Variants in AGBL4 observed in about 807,000 individuals in gnomAD.
The protein encoded by AGBL4 is cytosolic carboxypeptidase 6.
A neutral mutation model predicts 66.4 loss-of-function variants in AGBL4; 58 were observed. That is an observed-to-expected ratio of 0.87 (90% CI 0.71 to 1.09). The LOEUF (loss-of-function observed/expected upper bound fraction) is 1.09. AGBL4 is among the 50% of genes least tolerant of loss of function. AGBL4 has a pLI of 0.00. For missense variants in AGBL4, 579 were observed against 631.0 expected, an observed-to-expected ratio of 0.92 and a Z score of 0.88; for synonymous variants, 234 against 222.9, an observed-to-expected ratio of 1.05 and a Z score of -0.44.
intron 3 of AGBL4, among the ~76,000 whole-genome samples, chr1:49,396,966 A>G (rs538098859): frequency 6.6e-6 from 1 of 152,280 alleles, no homozygotes; most frequent in African/African-American, 2.4e-5. Context: ...GGATGGTTTC[A>G]GGGTGATTCA....
chr1:49,460,515 A>T (rs543804594), intron 3 of AGBL4, among the ~76,000 whole-genome samples: 5 of 151,622 alleles, frequency 3.3e-5, no homozygotes, highest in Admixed American at 1.3e-4. Flanking sequence ...AGATAGTGGA[A>T]ACTTGGTTGG....
At chr1:48,761,777 G>T (rs144485858) in intron 6 of AGBL4, among the ~76,000 whole-genome samples, 11 of 152,272 alleles carry the variant, frequency 7.2e-5, no homozygotes, top group African/African-American at 2.6e-4. Context: ...CTAGAATCTT[G>T]AATTGGAACA....
chr1:49,068,194 T>C (rs1011134706), intron 4 of AGBL4, among the ~76,000 whole-genome samples: 7 of 151,998 alleles, frequency 4.6e-5, no homozygotes, highest in African/African-American at 1.7e-4. Flanking sequence ...CAAATAATGG[T>C]TCATTTTCTT....
At chr1:49,370,209 A>G (rs1490324716) in intron 3 of AGBL4, among the ~76,000 whole-genome samples, 2 of 149,752 alleles carry the variant, frequency 1.3e-5, no homozygotes, top group Non-Finnish European at 3.0e-5. Context: ...TAAAATATAT[A>G]TCACATAATA....
chr1:49,454,926 C>T (rs1310767704), intron 3 of AGBL4, among the ~76,000 whole-genome samples: 1 of 151,644 alleles, frequency 6.6e-6, no homozygotes, highest in Non-Finnish European at 1.5e-5. Context: ...TAATCATATT[C>T]ACCAAGTTTA....
chr1:49,656,280 C>T (rs575438658), intron 3 of AGBL4, among the ~76,000 whole-genome samples: 3 of 152,264 alleles, frequency 2.0e-5, no homozygotes, highest in African/African-American at 7.2e-5. Context: ...TTCCTCGACA[C>T]ATACACCCTC....
intron 6 of AGBL4, among the ~76,000 whole-genome samples, chr1:48,770,376 C>T (rs1179740841): frequency 6.6e-6 from 1 of 152,188 alleles, no homozygotes; most frequent in Non-Finnish European, 1.5e-5. Flanking sequence ...CATTTGGTTT[C>T]CAGGACACCT....
intron 2 of AGBL4, among the ~76,000 whole-genome samples, chr1:49,834,946 A>C (rs1459316326): frequency 6.6e-6 from 1 of 152,172 alleles, no homozygotes; most frequent in Non-Finnish European, 1.5e-5. Flanking sequence ...AATGTTTGTT[A>C]TAATTTCCAT....
rs372604226 is a variant in AGBL4, at chr1:48,694,901, C to T, written c.635-31660G>A. Among the ~76,000 whole-genome samples, 128 of 152,244 alleles carry T rather than the reference C, an allele frequency of 8.4e-4. 1 individual carries two copies. The highest frequency in any genetic ancestry group is 2.9e-3 in the African/African-American group (122 of 41,546). On this transcript the variant is annotated intron_variant, in intron 6 of 13. Coordinates refer to ENST00000371839, the MANE Select transcript of AGBL4 (RefSeq NM_032785.4). ...CACACACCTCTGTACAGCCCTCATC[C>T]CACCATTTTATAATCACCAATGTGC...
intron 4 of AGBL4, among the ~76,000 whole-genome samples, chr1:49,188,035 G>A (rs1647046357): frequency 6.6e-6 from 1 of 152,104 alleles, no homozygotes; most frequent in African/African-American, 2.4e-5. Context: ...TTTATCTGCT[G>A]CCATCCACGT....
At chr1:49,530,250 T>G (rs991494697) in intron 3 of AGBL4, among the ~76,000 whole-genome samples, 4 of 38,446 alleles carry the variant, frequency 1.0e-4, no homozygotes, top group African/African-American at 3.8e-4. Context: ...TGTTTTCAAG[T>G]AGAATTTGTA....
intron 3 of AGBL4, among the ~76,000 whole-genome samples, chr1:49,350,714 T>C (rs1645735820): frequency 6.6e-6 from 1 of 152,166 alleles, no homozygotes; most frequent in South Asian, 2.1e-4. Flanking sequence ...ACCCGAGCAG[T>C]GTACACTGCA....
At position 48,924,145 on chromosome 1, in the gene AGBL4, GTT is replaced by G. The variant is rs555543694; in HGVS notation, c.595-56917_595-56916del. Among the ~76,000 whole-genome samples, 30 of 151,964 alleles carry G rather than the reference GTT, an allele frequency of 2.0e-4. No individual in the cohort carries two copies. In the East Asian group the frequency reaches 5.4e-3, roughly 27 times the overall value. On this transcript the variant is annotated intron_variant, in intron 5 of 13. Coordinates refer to ENST00000371839, the MANE Select transcript of AGBL4 (RefSeq NM_032785.4). ...TCTTTCTAGTTTGTCATTATGGAAGGTTTTTTTGTCAAATTAGGAAGATAGAT... is the reference window on the plus strand; with the variant it reads ...TCTTTCTAGTTTGTCATTATGGAAGGTTTTTGTCAAATTAGGAAGATAGAT...
chr1:49,936,207 C>T (rs551462380), intron 1 of AGBL4, among the ~76,000 whole-genome samples: 28 of 152,076 alleles, frequency 1.8e-4, no homozygotes, highest in Admixed American at 7.9e-4. Flanking sequence ...CCTCAGGAGC[C>T]GATGCGATCA....
chr1:49,108,963 G>C (rs1256541031), intron 4 of AGBL4, among the ~76,000 whole-genome samples: 1 of 152,120 alleles, frequency 6.6e-6, no homozygotes, highest in Non-Finnish European at 1.5e-5. Flanking sequence ...CCTTCTCTGG[G>C]CCCTTCATCC....
At chr1:48,634,136 C>T (rs77085876) in intron 9 of AGBL4, 15 of 162,616 alleles carry the variant, frequency 9.2e-5, no homozygotes, top group Non-Finnish European at 1.6e-4. Flanking sequence ...TCTTCAATTA[C>T]ATGACATGCC....
At chr1:49,192,393 G>A (rs932400943) in intron 4 of AGBL4, among the ~76,000 whole-genome samples, 6 of 152,152 alleles carry the variant, frequency 3.9e-5, no homozygotes, top group Admixed American at 1.3e-4. Context: ...CTGCCTCCTG[G>A]GTTCAAGTGA....
intron 3 of AGBL4, among the ~76,000 whole-genome samples, chr1:49,388,967 T>C: frequency 6.6e-6 from 1 of 152,174 alleles, no homozygotes; most frequent in Non-Finnish European, 1.5e-5. Flanking sequence ...AATTTGAGAA[T>C]AAATCATGTC....
At chr1:48,934,815 T>C (rs976016326) in intron 5 of AGBL4, among the ~76,000 whole-genome samples, 4 of 152,186 alleles carry the variant, frequency 2.6e-5, no homozygotes, top group Non-Finnish European at 4.4e-5. Flanking sequence ...AAACTTTAAT[T>C]TGGTGTTGTT....
Sources: allele counts gnomAD v4.1 joint callset (sites outside exome capture counted in the v4.1 genomes callset), GRCh38; gene constraint gnomAD v4.1.1; transcripts MANE v1.5; gene names NCBI Gene and HGNC (gene_info 2026-07-23, HGNC 2026-07-21).